Variants in CORIN observed in about 807,000 individuals in gnomAD.
CORIN encodes corin, serine peptidase, also known as atrial natriuretic peptide-converting enzyme.
In CORIN, 117 loss-of-function variants were observed where a neutral mutation model predicts 125.3. The observed-to-expected ratio is 0.93, with a 90% CI of 0.80 to 1.09. CORIN has a LOEUF of 1.09. Ranked by LOEUF, CORIN falls within the 50% of genes least tolerant of loss-of-function variation. The pLI is 0.00. For missense variants in CORIN, 1,253 were observed against 1,306.7 expected (o/e 0.96, Z 0.63); for synonymous variants, 450 against 466.4 (o/e 0.96, Z 0.45).
chr4:47,797,846 C>T (rs73136002), intron 2 of CORIN, among the ~76,000 whole-genome samples: 219 of 152,136 alleles, frequency 1.4e-3, no homozygotes, highest in African/African-American at 5.0e-3. Flanking sequence ...GAAAATAAAG[C>T]ATCTTACCTA....
In CORIN at chr4:47,677,963, C is replaced by T; in HGVS notation, c.1224G>A (p.Gly408=). The part of the protein sequence containing the change: ...QCDGDEDCKD[G]SDEENCSVIQ... ...TGACGCTGCAGTTCTCCTCATCACT[C>T]CCATCCTTGCAGTCCTCGTCACCAT... The change falls in exon 9 of 22, where the codon GGG becomes GGA. Residue 408 remains glycine, a synonymous_variant. Transcript: ENST00000273857. 2 of 1,613,678 alleles carry T rather than the reference C, an allele frequency of 1.2e-6. No homozygotes were observed. Among genetic ancestry groups the T allele is most frequent in the Non-Finnish European group, 1.7e-6 (2 of 1,179,654 alleles).
At chr4:47,685,436 T>C (rs1303340779) in intron 6 of CORIN, among the ~76,000 whole-genome samples, 3 of 152,124 alleles carry the variant, frequency 2.0e-5, no homozygotes, top group African/African-American at 7.2e-5. Context: ...ATATGACTCG[T>C]TTATGGAATT....
intron 19 of CORIN, among the ~76,000 whole-genome samples, chr4:47,609,450 A>G (rs1208388880): frequency 6.6e-6 from 1 of 152,032 alleles, no homozygotes; most frequent in Non-Finnish European, 1.5e-5. Context: ...ATGTTGGCCT[A>G]TCTGGTGTTG....
chr4:47,641,424 G>C (rs10013225), intron 16 of CORIN, among the ~76,000 whole-genome samples: 39,875 of 152,078 alleles, frequency 0.26, 5,479 homozygotes, highest in Admixed American at 0.36. Flanking sequence ...CAGTATATCT[G>C]TATCAAAGCC....
intron 6 of CORIN, among the ~76,000 whole-genome samples, chr4:47,690,469 C>G (rs1433387279): frequency 6.6e-6 from 1 of 152,204 alleles, no homozygotes; most frequent in Non-Finnish European, 1.5e-5. Flanking sequence ...CCCTTTTCTC[C>G]CTTCCTTTGA....
At chr4:47,802,107 C>T (rs576947676) in intron 2 of CORIN, among the ~76,000 whole-genome samples, 22 of 152,342 alleles carry the variant, frequency 1.4e-4, no homozygotes, top group Non-Finnish European at 1.8e-4. Context: ...AGCCCCATGG[C>T]CCTGAATACC....
At chr4:47,820,057 C>G (rs977469449) in intron 1 of CORIN, among the ~76,000 whole-genome samples, 2 of 152,164 alleles carry the variant, frequency 1.3e-5, no homozygotes, top group African/African-American at 4.8e-5. Context: ...GTGCCTGACT[C>G]CGGAAAGTGT....
At chr4:47,746,928 G>A (rs1164047568) in intron 4 of CORIN, among the ~76,000 whole-genome samples, 3 of 152,136 alleles carry the variant, frequency 2.0e-5, no homozygotes, top group Non-Finnish European at 4.4e-5. Flanking sequence ...AATGTGCATT[G>A]AATCAGTATT....
rs778077028 is a variant in CORIN at position 47,595,895 on chromosome 4, G to A, written c.2955C>T (p.Ser985=). Residue 985 remains serine (S), a synonymous_variant, in exon 22 of 22, where the codon AGC becomes AGT. Coordinates refer to ENST00000273857, the MANE Select transcript of CORIN (RefSeq NM_006587.4). Reference sequence around the variant, plus strand: ...GCTTCTCACAAACAAGAGGCCCACCGCTGTCACCCTGCAATAAGTAACGAT... The same window carrying A: ...GCTTCTCACAAACAAGAGGCCCACCACTGTCACCCTGCAATAAGTAACGAT... ...SGTVDSCMGD[S]GGPLVCEKPG... 72 of 1,607,320 alleles carry A rather than the reference G, an allele frequency of 4.5e-5. No homozygotes were observed. The highest frequency in any genetic ancestry group is 7.8e-5 in the South Asian group (7 of 90,034).
chr4:47,601,531 G>T (rs1721448551), intron 20 of CORIN, among the ~76,000 whole-genome samples: 1 of 151,926 alleles, frequency 6.6e-6, no homozygotes, highest in African/African-American at 2.4e-5. Flanking sequence ...TAGAGACAGA[G>T]TTCCACCATG....
rs561062102 is a variant in CORIN, at chr4:47,769,622, A to G, written c.410-6036T>C. ...TTCACACTACTTGATTTCCAAATAC[A>G]CTATAAAGCTATAGTAATCAAAAAA... On this transcript the variant is annotated intron_variant, in intron 3 of 21. Transcript: ENST00000273857. Among the ~76,000 whole-genome samples, 110 of 152,236 alleles carry G rather than the reference A, an allele frequency of 7.2e-4. 1 individual carries two copies. The highest frequency in any genetic ancestry group is 2.5e-3 in the African/African-American group (104 of 41,560).
chr4:47,800,077 C>T (rs1731473256), intron 2 of CORIN, among the ~76,000 whole-genome samples: 1 of 151,860 alleles, frequency 6.6e-6, no homozygotes, highest in African/African-American at 2.4e-5. Context: ...CTGCTTGGGG[C>T]TAGGGGTGAG....
In CORIN at chr4:47,678,103, T is replaced by G. The variant is rs370690104; in HGVS notation, c.1133-49A>C. ...CACTTTATTTATTAATTCTTCTCTC[T>G]CAATCTGCACATCAAATAAGCAACA... On this transcript the variant is annotated intron_variant, in intron 8 of 21. Coordinates refer to ENST00000273857, the MANE Select transcript of CORIN (RefSeq NM_006587.4). The G allele has an allele frequency of 3.2e-4, 408 of 1,294,570 alleles. 5 individuals carry two copies. In the South Asian group the frequency reaches 3.7e-3, roughly 12 times the overall value. The allele number at this position is 1,294,570 out of a possible 1,614,324, so 80.2% of individuals were successfully genotyped here. A position where few individuals can be genotyped will look rare whatever the true frequency, so the allele number is the denominator to read the frequency against.
At chr4:47,764,988 TAA>T (rs1729646368) in intron 3 of CORIN, among the ~76,000 whole-genome samples, 1 of 152,038 alleles carries the variant, frequency 6.6e-6, no homozygotes, top group African/African-American at 2.4e-5. Flanking sequence ...CACTGAATAT[TAA>T]GAGATCATTT....
rs2109837046 is a variant in CORIN at position 47,744,388 on chromosome 4, A to G, written c.799+14T>C. On this transcript the variant is annotated intron_variant, in intron 5 of 21. Coordinates refer to ENST00000273857, the MANE Select transcript of CORIN (RefSeq NM_006587.4). ...TAAAATCTTCTAAAAATGAAATGAA[A>G]CACAGACACCTACATTGCTTTCCGT... 1 of 1,608,658 alleles carries G rather than the reference A, an allele frequency of 6.2e-7. No homozygotes were observed. The highest frequency in any genetic ancestry group is 1.3e-5 in the African/African-American group (1 of 74,782).
intron 15 of CORIN, 174 bp downstream of exon 15, chr4:47,642,972 A>G (rs1373968638): frequency 1.3e-6 from 2 of 1,536,620 alleles, no homozygotes; most frequent in Non-Finnish European, 1.7e-6. Flanking sequence ...TCGTGGGGAA[A>G]TTTTCTGTGA....
rs1007134101 is a variant in CORIN at position 47,702,451 on chromosome 4, C to T, written c.800-9368G>A. On this transcript the variant is annotated intron_variant, in intron 5 of 21. Transcript: ENST00000273857. ...TTTTAAATGTGTAACTCAGTCACAA[C>T]GTTTATGGAAAGACTTAGGACAAAC... Among the ~76,000 whole-genome samples the T allele has an allele frequency of 8.5e-5, 13 of 152,138 alleles. No homozygotes were observed. The East Asian group carries it at 1.3e-3, about 16-fold the overall frequency.
rs1262718151 is a variant in CORIN, at chr4:47,661,762, C to T, written c.1684G>A (p.Glu562Lys). 2.5e-6 allele frequency: 4 copies of T among 1,613,514 alleles called. No homozygotes were observed. The Admixed American group carries it at 5.0e-5, about 20-fold the overall frequency. Residue 562 changes from glutamate to lysine, a missense_variant, in exon 12 of 22, where the codon GAG becomes AAG. Glu to Lys is a moderately conservative substitution (Grantham distance 56, BLOSUM62 1). Coordinates refer to ENST00000273857, the MANE Select transcript of CORIN (RefSeq NM_006587.4). ...CAGGTTTGATTGTCTGAATTTTCCT[C>T]TGGAAATTGACTGCAATCTGTGTCT... ...PEDTDCSQFP[E>K]ENSDNQTCLM...
intron 1 of CORIN, chr4:47,837,638 C>T: frequency 1.7e-6 from 1 of 604,472 alleles, no homozygotes; most frequent in East Asian, 2.8e-5. Context: ...GGAAACCCTG[C>T]CCATGACCCT....
Sources: gnomAD v4.1 joint callset for allele counts (sites outside exome capture counted in the v4.1 genomes callset) on GRCh38, gnomAD v4.1.1 for gene constraint, MANE v1.5 for transcripts, NCBI Gene and HGNC (gene_info 2026-07-23, HGNC 2026-07-21) for gene names.